The following CERT1 variants were observed in gnomAD, a reference collection of about 807,000 sequenced individuals.
CERT1 encodes the protein ceramide transfer protein.
CERT1 carries 31 observed loss-of-function variants against 87.9 expected under a neutral mutation model. The ratio of observed to expected loss-of-function variants is 0.35; its 90% CI spans 0.27 to 0.48. The LOEUF is 0.48. Among genes scored for constraint, CERT1 ranks in the 20% least tolerant of loss-of-function variants. CERT1 has a pLI of 0.99. For missense variants in CERT1, 487 were observed against 758.0 expected (o/e 0.64, Z 4.20); for synonymous variants, 289 against 250.9 (o/e 1.15, Z -1.44).
chr5:75,444,776 A>G (rs1481007691), intron 3 of CERT1, among the ~76,000 whole-genome samples: 1 of 150,662 alleles, frequency 6.6e-6, no homozygotes, highest in African/African-American at 2.4e-5. Context: ...TGATCTCTTG[A>G]CCTCGTGATC....
intron 12 of CERT1, 86 bp from the exon 13 acceptor site, chr5:75,386,120 CT>C: frequency 9.4e-7 from 1 of 1,060,828 alleles, no homozygotes; most frequent in Non-Finnish European, 1.3e-6. Flanking sequence ...TACAGCTGCT[CT>C]TTAGATTTTT....
chr5:75,434,566 A>G (rs901546949), intron 3 of CERT1, among the ~76,000 whole-genome samples: 2 of 151,742 alleles, frequency 1.3e-5, no homozygotes, highest in African/African-American at 4.8e-5. Context: ...TAGCATTGGT[A>G]CCAATTCTTC....
intron 1 of CERT1, 139 bp downstream of exon 1, chr5:75,510,972 TC>T: frequency 8.4e-7 from 1 of 1,197,558 alleles, no homozygotes; most frequent in East Asian, 2.8e-5. Flanking sequence ...CCCCGCCTCA[TC>T]CCTAGTCGCT....
At chr5:75,443,693 T>C (rs1167385808) in intron 3 of CERT1, among the ~76,000 whole-genome samples, 1 of 152,226 alleles carries the variant, frequency 6.6e-6, no homozygotes, top group Non-Finnish European at 1.5e-5. Flanking sequence ...AGTTGGTATA[T>C]TGTGTTAAGT....
intron 2 of CERT1, among the ~76,000 whole-genome samples, chr5:75,468,705 T>C (rs539925718): frequency 2.0e-4 from 30 of 152,322 alleles, no homozygotes; most frequent in Non-Finnish European, 3.8e-4. Context: ...ATTGTTATAC[T>C]GACCATGGTA....
intron 17 of CERT1, chr5:75,370,929 G>A (rs1761059730): frequency 6.8e-6 from 1 of 147,124 alleles, no homozygotes; most frequent in South Asian, 2.2e-4. Flanking sequence ...TCCAGCCTGG[G>A]TGACAAAGCA....
rs143959456 is a variant in CERT1 at position 75,390,974 on chromosome 5, T to C, written c.1189-1287A>G. On this transcript the variant is annotated intron_variant, in intron 11 of 16. Coordinates refer to ENST00000643780, the MANE Select transcript of CERT1 (RefSeq NM_001379029.1). ...CTGTGCCACCATGCCTAACATTTTT[T>C]TTTTTTTAAGAGACACGGTCTCACT... is the stretch of plus-strand genomic sequence containing the variant. Among the ~76,000 whole-genome samples, 214 of 152,132 alleles carry C rather than the reference T, an allele frequency of 1.4e-3. 1 individual carries two copies. The highest frequency in any genetic ancestry group is 4.3e-3 in the African/African-American group (178 of 41,492).
At chr5:75,395,307 T>G (rs976305196) in intron 11 of CERT1, among the ~76,000 whole-genome samples, 4 of 152,134 alleles carry the variant, frequency 2.6e-5, no homozygotes, top group African/African-American at 9.7e-5. Flanking sequence ...TGAAAATTAT[T>G]TTCTAGTTTG....
chr5:75,502,600 T>C (rs1255356270), intron 2 of CERT1, among the ~76,000 whole-genome samples: 2 of 152,120 alleles, frequency 1.3e-5, no homozygotes, highest in Admixed American at 1.3e-4. Flanking sequence ...TAAATATTTA[T>C]GAAAGATATA....
intron 3 of CERT1, among the ~76,000 whole-genome samples, chr5:75,447,454 A>ATTTG (rs1764593438): frequency 6.6e-6 from 1 of 150,432 alleles, no homozygotes. Flanking sequence ...AAATTTATTT[A>ATTTG]TTTATTTATT....
In CERT1 at chr5:75,419,358, T is replaced by C. The variant is rs1763274169; in HGVS notation, c.662A>G (p.Asn221Ser). The change falls in exon 6 of 17, where the codon AAC becomes AGC. Residue 221 changes from asparagine to serine, a missense_variant. Physicochemically the swap from Asn to Ser is conservative, Grantham distance 46. This residue lies in a region of CERT1 where 173 missense variants were observed against 302.2 expected (regional missense o/e 0.57). Coordinates refer to ENST00000643780, the MANE Select transcript of CERT1 (RefSeq NM_001379029.1). ...RSDGDFLHST[N>S]GNKEKLFPHV... ...TTACTTACACTTTTCTTTATTGCCG[T>C]TGGTACTATGCAAGAAGTCACCATC... 6.2e-7 allele frequency: 1 copy of C among 1,611,208 alleles called. No individual in the cohort carries two copies. Among genetic ancestry groups the C allele is most frequent in the Non-Finnish European group, 8.5e-7 (1 of 1,177,682 alleles).
At chr5:75,496,867 CT>C (rs1429587384) in intron 2 of CERT1, among the ~76,000 whole-genome samples, 1 of 152,058 alleles carries the variant, frequency 6.6e-6, no homozygotes, top group Admixed American at 6.5e-5. Flanking sequence ...GTGGTAATGA[CT>C]ATATGACTGT....
chr5:75,501,372 C>T (rs1262509342), intron 2 of CERT1, among the ~76,000 whole-genome samples: 1 of 152,090 alleles, frequency 6.6e-6, no homozygotes, highest in African/African-American at 2.4e-5. Context: ...CTAAAACCAA[C>T]CTATGATAAG....
intron 12 of CERT1, among the ~76,000 whole-genome samples, chr5:75,387,271 A>G (rs549090156): frequency 4.6e-5 from 7 of 152,326 alleles, no homozygotes; most frequent in African/African-American, 1.7e-4. Flanking sequence ...CCAAAGGTGC[A>G]GAGCAGGGAG....
intron 2 of CERT1, among the ~76,000 whole-genome samples, chr5:75,476,407 G>C (rs540311551): frequency 7.9e-5 from 12 of 152,030 alleles, no homozygotes; most frequent in African/African-American, 2.9e-4. Flanking sequence ...ACCAAATCAT[G>C]TCACTCCTCT....
At chr5:75,391,617 C>T (rs1335072585) in intron 11 of CERT1, among the ~76,000 whole-genome samples, 1 of 151,990 alleles carries the variant, frequency 6.6e-6, no homozygotes, top group East Asian at 1.9e-4. Context: ...TTTGGGAGGG[C>T]GAGGATAACC....
chr5:75,426,515 A>G, intron 3 of CERT1, 37 bp from the exon 4 acceptor site: 1 of 1,445,850 alleles, frequency 6.9e-7, no homozygotes, highest in South Asian at 1.2e-5. Flanking sequence ...AAGAATTTAA[A>G]TAAAAAATAC....
chr5:75,502,961 C>T (rs1767451170), intron 2 of CERT1, among the ~76,000 whole-genome samples: 1 of 152,036 alleles, frequency 6.6e-6, no homozygotes, highest in South Asian at 2.1e-4. Flanking sequence ...ATACAAATAG[C>T]TCTTTTTACA....
At chr5:75,482,731 G>C (rs552541211) in intron 2 of CERT1, among the ~76,000 whole-genome samples, 2 of 152,130 alleles carry the variant, frequency 1.3e-5, no homozygotes, top group African/African-American at 4.8e-5. Flanking sequence ...GTTTCCGCCT[G>C]GTAATCCAGA....
Sources: allele counts gnomAD v4.1 joint callset (sites outside exome capture counted in the v4.1 genomes callset), GRCh38; gene constraint gnomAD v4.1.1; regional missense constraint gnomAD v4.1.1; transcripts MANE v1.5; gene names NCBI Gene and HGNC (gene_info 2026-07-23, HGNC 2026-07-21).